BMPR1A: variants seen among roughly 807,000 people sequenced by gnomAD.
BMPR1A encodes the protein bone morphogenetic protein receptor type 1A.
A neutral mutation model predicts 66.0 loss-of-function variants in BMPR1A; 7 were observed. That is an observed-to-expected ratio of 0.11 (90% CI 0.06 to 0.20). The LOEUF is 0.20. Among genes scored for constraint, BMPR1A ranks in the 10% least tolerant of loss-of-function variants. BMPR1A has a pLI of 1.00. For synonymous variants in BMPR1A, 200 were observed against 229.7 expected (o/e 0.87, Z 1.17); for missense variants, 408 against 669.1 (o/e 0.61, Z 4.31).
intron 1 of BMPR1A, among the ~76,000 whole-genome samples, chr10:86,780,162 T>C (rs754436811): frequency 6.6e-6 from 1 of 152,208 alleles, no homozygotes; most frequent in Non-Finnish European, 1.5e-5. Context: ...TGGATTTGTT[T>C]TGCTGTTGAG....
At position 86,802,903 on chromosome 10, in the gene BMPR1A, T is replaced by C. The variant is rs1390873652; in HGVS notation, c.-267-35962T>C. The stretch of plus-strand genomic sequence containing the variant: ...GTGGACAACGTAGTGAGACTCCATG[T>C]CTCCAAAAAAGACAAAGATTAGCCA... On this transcript the variant is annotated intron_variant, in intron 1 of 12. Coordinates refer to ENST00000372037, the MANE Select transcript of BMPR1A (RefSeq NM_004329.3). Among the ~76,000 whole-genome samples, 3 of 148,170 alleles carry C rather than the reference T, an allele frequency of 2.0e-5. No homozygotes were observed. In the Admixed American group the frequency reaches 2.1e-4, roughly 10 times the overall value.
At chr10:86,845,532 C>T (rs1842471771) in intron 2 of BMPR1A, among the ~76,000 whole-genome samples, 1 of 152,204 alleles carries the variant, frequency 6.6e-6, no homozygotes, top group Non-Finnish European at 1.5e-5. Flanking sequence ...GAGTCAGGTG[C>T]TGTGCATGCC....
At chr10:86,882,407 A>C (rs1241867691) in intron 3 of BMPR1A, among the ~76,000 whole-genome samples, 1 of 151,670 alleles carries the variant, frequency 6.6e-6, no homozygotes, top group Non-Finnish European at 1.5e-5. Context: ...TGGGCAACAG[A>C]GTGAGACCCT....
intron 1 of BMPR1A, among the ~76,000 whole-genome samples, chr10:86,834,524 T>C (rs1163492242): frequency 1.3e-5 from 2 of 152,232 alleles, no homozygotes; most frequent in African/African-American, 4.8e-5. Context: ...ATGGATTTAG[T>C]ACAACTGTTT....
chr10:86,889,417 T>C (rs887293169), intron 3 of BMPR1A, among the ~76,000 whole-genome samples: 6 of 152,212 alleles, frequency 3.9e-5, no homozygotes, highest in Non-Finnish European at 8.8e-5. Flanking sequence ...CTTTTCCACA[T>C]AGAGGCACAA....
At chr10:86,874,500 G>T (rs1478945253) in intron 2 of BMPR1A, among the ~76,000 whole-genome samples, 4 of 151,838 alleles carry the variant, frequency 2.6e-5, no homozygotes, top group South Asian at 2.1e-4. Flanking sequence ...TCGCTTACTG[G>T]GTTCAAGCCA....
At chr10:86,782,235 A>T (rs1208749411) in intron 1 of BMPR1A, among the ~76,000 whole-genome samples, 1 of 152,126 alleles carries the variant, frequency 6.6e-6, no homozygotes, top group East Asian at 1.9e-4. Context: ...TTATCTGTTG[A>T]GAGACACAAG....
intron 3 of BMPR1A, among the ~76,000 whole-genome samples, chr10:86,887,021 C>T (rs1843076060): frequency 6.6e-6 from 1 of 151,836 alleles, no homozygotes; most frequent in Admixed American, 6.6e-5. Flanking sequence ...TTAGTAGAGA[C>T]GGGGTTTCAC....
upstream of BMPR1A, chr10:86,756,163 G>C (rs986215263): frequency 6.6e-6 from 1 of 152,158 alleles, no homozygotes; most frequent in Admixed American, 6.5e-5. Flanking sequence ...GGGGATATCC[G>C]GCCCCGAAGG....
chr10:86,831,640 T>C (rs937775773), intron 1 of BMPR1A, among the ~76,000 whole-genome samples: 1 of 152,226 alleles, frequency 6.6e-6, no homozygotes, highest in African/African-American at 2.4e-5. Context: ...GGCACTTGCC[T>C]GTAGTCCCAG....
At chr10:86,757,261 G>C (rs2132557500) in intron 1 of BMPR1A, among the ~76,000 whole-genome samples, 1 of 152,256 alleles carries the variant, frequency 6.6e-6, no homozygotes, top group Admixed American at 6.5e-5. Flanking sequence ...CCGGAGCGGC[G>C]AGGCTGATAT....
chr10:86,928,130 CTT>C (rs1843769816), downstream of BMPR1A: 1 of 162,704 alleles, frequency 6.1e-6, no homozygotes, highest in Non-Finnish European at 1.3e-5. Context: ...TAGGTACACG[CTT>C]GCCCTGTGGA....
Position 86,890,313 on chromosome 10 carries a change from T to G in BMPR1A, c.230+89T>G. On this transcript the variant is annotated intron_variant, in intron 4 of 12. Transcript: ENST00000372037. ...AAGAATTATTAAACTTGTCTGCGGTTTTTTTTTCATTCATATATAGTATCT... is the reference window on the plus strand; with the variant it reads ...AAGAATTATTAAACTTGTCTGCGGTGTTTTTTTCATTCATATATAGTATCT... The G allele has an allele frequency of 7.2e-6, 11 of 1,518,102 alleles. No homozygotes were observed. In the African/African-American group the frequency reaches 8.3e-5, roughly 11 times the overall value. The allele number at this position is 1,518,102 out of a possible 1,614,324, so 94.0% of individuals were successfully genotyped here. A position where few individuals can be genotyped will look rare whatever the true frequency, so the allele number is the denominator to read the frequency against.
At chr10:86,902,934 A>G (rs1278349539) in intron 7 of BMPR1A, among the ~76,000 whole-genome samples, 1 of 152,206 alleles carries the variant, frequency 6.6e-6, no homozygotes, top group African/African-American at 2.4e-5. Flanking sequence ...TGAAAACCCC[A>G]TAATTCATAG....
chr10:86,894,884 A>G (rs1179044654), intron 5 of BMPR1A, among the ~76,000 whole-genome samples: 2 of 152,160 alleles, frequency 1.3e-5, no homozygotes, highest in Non-Finnish European at 2.9e-5. Flanking sequence ...GCACGTTGAT[A>G]GTTTTAAGGG....
At chr10:86,856,010 C>T in intron 2 of BMPR1A, 1 of 624,956 alleles carries the variant, frequency 1.6e-6, no homozygotes. Flanking sequence ...AATCTGGATG[C>T]CTCTCACCGT....
chr10:86,804,989 C>T (rs943478458), intron 1 of BMPR1A, among the ~76,000 whole-genome samples: 1 of 152,046 alleles, frequency 6.6e-6, no homozygotes, highest in African/African-American at 2.4e-5. Flanking sequence ...CTTCCTAACT[C>T]CCGGTAGCCT....
At chr10:86,856,556 G>C (rs1589748574) in intron 2 of BMPR1A, among the ~76,000 whole-genome samples, 1 of 152,172 alleles carries the variant, frequency 6.6e-6, no homozygotes, top group Admixed American at 6.5e-5. Flanking sequence ...CCAAAACCAA[G>C]CATGGCTAAT....
chr10:86,931,741 C>T (rs1021016075), downstream of BMPR1A: 1 of 152,034 alleles, frequency 6.6e-6, no homozygotes, highest in Non-Finnish European at 1.5e-5. Context: ...TGAAACTGGC[C>T]ATATCTAAAT....
Sources: gnomAD v4.1 joint callset for allele counts (sites outside exome capture counted in the v4.1 genomes callset) on GRCh38, gnomAD v4.1.1 for gene constraint, MANE v1.5 for transcripts, NCBI Gene and HGNC (gene_info 2026-07-23, HGNC 2026-07-21) for gene names.